The following MLYCD variants were observed in gnomAD, a reference collection of about 807,000 sequenced individuals.
The protein encoded by MLYCD is malonyl-CoA decarboxylase, mitochondrial.
Under a neutral mutation model 35.8 loss-of-function variants are expected in MLYCD, and 27 were observed. The ratio of observed to expected loss-of-function variants is 0.75; its 90% CI spans 0.56 to 1.04. MLYCD has a LOEUF of 1.04. Ranked by LOEUF, MLYCD falls within the 50% of genes least tolerant of loss-of-function variation. The pLI is 0.00. For missense variants in MLYCD, 917 were observed against 665.1 expected (o/e 1.38, Z -4.17); for synonymous variants, 403 against 302.4 (o/e 1.33, Z -3.45).
intron 1 of MLYCD, among the ~76,000 whole-genome samples, chr16:83,902,154 C>CGTGTGT (rs371411628): frequency 1.2e-5 from 1 of 84,454 alleles, no homozygotes. Context: ...TGTGTGCGTG[C>CGTGTGT]GTATATATAT....
Position 83,922,110 on chromosome 16 carries a change from C to T in MLYCD, c.*6621C>T, listed in dbSNP as rs1340228242. On this transcript the variant is annotated 3_prime_UTR_variant, in exon 5 of 5. Coordinates refer to ENST00000262430, the MANE Select transcript of MLYCD (RefSeq NM_012213.3). The stretch of plus-strand genomic sequence containing the variant: ...CACAATAAATTGTCATGAGTGCTTT[C>T]CACTGTGTCCCAGGTTCAAGGCTGA... The T allele has an allele frequency of 2.0e-5, 3 of 152,262 alleles. No homozygotes were observed. Among genetic ancestry groups the T allele is most frequent in the African/African-American group, 7.2e-5 (3 of 41,432 alleles). 9.4% of individuals were successfully genotyped at this position (152,262 alleles called of 1,614,324 possible).
At chr16:83,910,861 C>T (rs182413561) in intron 3 of MLYCD, among the ~76,000 whole-genome samples, 24 of 152,328 alleles carry the variant, frequency 1.6e-4, no homozygotes, top group Admixed American at 3.9e-4. Context: ...CTCACAGCAG[C>T]ATTTCTTCAC....
At chr16:83,911,416 A>G (rs1430659895) in intron 3 of MLYCD, among the ~76,000 whole-genome samples, 2 of 152,250 alleles carry the variant, frequency 1.3e-5, no homozygotes, top group African/African-American at 4.8e-5. Flanking sequence ...GGGTTCTTCA[A>G]AAGTAAGCTG....
At chr16:83,909,137 T>A (rs1907083615) in intron 3 of MLYCD, among the ~76,000 whole-genome samples, 2 of 152,086 alleles carry the variant, frequency 1.3e-5, no homozygotes, top group South Asian at 4.1e-4. Flanking sequence ...GCCCTCTTGG[T>A]GGGACTAGGG....
chr16:83,926,239 T>G lies in MLYCD; in HGVS notation c.*10750T>G, dbSNP rs777090304. 6.6e-6 allele frequency: 1 copy of G among 152,106 alleles called. No individual in the cohort carries two copies. Among genetic ancestry groups the G allele is most frequent in the African/African-American group, 2.4e-5 (1 of 41,334 alleles). The allele number at this position is 152,106 out of a possible 1,614,324, so 9.4% of individuals were successfully genotyped here. A position where few individuals can be genotyped will look rare whatever the true frequency, so the allele number is the denominator to read the frequency against. ...CCTCCCTCCCAGAGCCCACGAGATC[T>G]CACTTTCTCCAAGCCCAGCTCCCCA... On this transcript the variant is annotated 3_prime_UTR_variant, in exon 5 of 5. Transcript: ENST00000262430.
At chr16:83,910,155 A>T (rs1208814501) in intron 3 of MLYCD, among the ~76,000 whole-genome samples, 1 of 151,194 alleles carries the variant, frequency 6.6e-6, no homozygotes, top group Admixed American at 6.6e-5. Flanking sequence ...AAAGGGCAGC[A>T]GCAACAGTCA....
Position 83,914,988 on chromosome 16 carries a change from T to C in MLYCD, c.981T>C (p.Ser327=). 6.2e-7 allele frequency: 1 copy of C among 1,614,234 alleles called. No individual in the cohort carries two copies. The highest frequency in any genetic ancestry group is 8.5e-7 in the Non-Finnish European group (1 of 1,180,048). ...REFPHLGVFS[S]LSPIPGFTKW... ...TTCCTCACCTTGGGGTGTTTTCAAG[T>C]CTGTCACCTATACCTGGTTTCACCA... is the stretch of plus-strand genomic sequence containing the variant. The change falls in exon 5 of 5, where the codon AGT becomes AGC. Residue 327 remains serine, a synonymous_variant. Transcript: ENST00000262430.
At position 83,915,580 on chromosome 16, in the gene MLYCD, A is replaced by G. The variant is rs1907354526; in HGVS notation, c.*91A>G. The G allele has an allele frequency of 1.3e-6, 2 of 1,552,734 alleles. No homozygotes were observed. Among genetic ancestry groups the G allele is most frequent in the South Asian group, 2.3e-5 (2 of 85,348 alleles). Reference sequence around the variant, plus strand: ...AGTTATGTATCTGAAGCAGCTTTCCAAGCAAAGCCAAAGTTGACTGTGTTC... The same window carrying G: ...AGTTATGTATCTGAAGCAGCTTTCCGAGCAAAGCCAAAGTTGACTGTGTTC... On this transcript the variant is annotated 3_prime_UTR_variant, in exon 5 of 5. Transcript: ENST00000262430.
Position 83,899,329 on chromosome 16 carries a change from C to A in MLYCD, c.185C>A (p.Ala62Glu). ...TACGAGCTGCGCGAGAAGACACCGGCGCCCGCCGAGGGTCAGTGCGCGGAC... is the reference window on the plus strand; with the variant it reads ...TACGAGCTGCGCGAGAAGACACCGGAGCCCGCCGAGGGTCAGTGCGCGGAC... The part of the protein sequence containing the change: ...PAYELREKTP[A>E]PAEGQCADFV... Residue 62 changes from alanine to glutamate, a missense_variant, in exon 1 of 5, where the codon GCG (alanine) becomes GAG (glutamate). Coordinates refer to ENST00000262430, the MANE Select transcript of MLYCD (RefSeq NM_012213.3). 1 of 1,503,042 alleles carries A rather than the reference C, an allele frequency of 6.7e-7. No homozygotes were observed. Among genetic ancestry groups the A allele is most frequent in the South Asian group, 1.2e-5 (1 of 80,816 alleles). 93.1% of individuals were successfully genotyped at this position (1,503,042 alleles called of 1,614,324 possible).
At chr16:83,906,921 C>T (rs1258860162) in intron 1 of MLYCD, 66 bp from the exon 2 acceptor site, 1 of 1,344,118 alleles carries the variant, frequency 7.4e-7, no homozygotes, top group African/African-American at 1.4e-5. Context: ...TTGTGCTGAC[C>T]ACAACACAGA....
intron 2 of MLYCD, among the ~76,000 whole-genome samples, chr16:83,907,634 T>C (rs1182802225): frequency 6.6e-6 from 1 of 152,132 alleles, no homozygotes; most frequent in East Asian, 1.9e-4. Flanking sequence ...GAATCCATGG[T>C]TTGAAAAGTG....
intron 3 of MLYCD, among the ~76,000 whole-genome samples, chr16:83,909,751 A>T (rs190603202): frequency 1.3e-5 from 2 of 150,564 alleles, no homozygotes; most frequent in African/African-American, 2.4e-5. Context: ...CCTCCCGAGT[A>T]GCTGGGGATT....
In MLYCD at chr16:83,915,170, A is replaced by C; in HGVS notation, c.1163A>C (p.Glu388Ala). 1 of 1,614,140 alleles carries C rather than the reference A, an allele frequency of 6.2e-7. No individual in the cohort carries two copies. The highest frequency in any genetic ancestry group is 8.5e-7 in the Non-Finnish European group (1 of 1,179,968). Residue 388 changes from glutamate (E) to alanine (A), a missense_variant, in exon 5 of 5, where the codon GAG (glutamate) becomes GCG (alanine). Glu to Ala is a moderately radical substitution (Grantham distance 107). Coordinates refer to ENST00000262430, the MANE Select transcript of MLYCD (RefSeq NM_012213.3). ...AGCAGCAGCGAGTGGGTGCAGTCGG[A>C]GAAGCTGGTGCGGGCGCTGCAGACT... ...LLSSSEWVQSEKLVRALQTPL... is the reference protein window; with the variant it reads ...LLSSSEWVQSAKLVRALQTPL...
chr16:83,910,145 A>C (rs1360776075), intron 3 of MLYCD, among the ~76,000 whole-genome samples: 1 of 151,786 alleles, frequency 6.6e-6, no homozygotes, highest in African/African-American at 2.4e-5. Context: ...GTGTTCATCA[A>C]AAGGGCAGCA....
rs759566965 is a variant in MLYCD at position 83,921,258 on chromosome 16, G to A, written c.*5769G>A. On this transcript the variant is annotated 3_prime_UTR_variant, in exon 5 of 5. Transcript: ENST00000262430. Reference sequence around the variant, plus strand: ...AAGGAAGATGGATGAATAGATGGGTGGGTGGGTGGATGTTTGGATGGATGG... The same window carrying A: ...AAGGAAGATGGATGAATAGATGGGTAGGTGGGTGGATGTTTGGATGGATGG... 9.4e-5 allele frequency: 14 copies of A among 149,594 alleles called. No individual in the cohort carries two copies. The highest frequency in any genetic ancestry group is 1.5e-4 in the Non-Finnish European group (10 of 67,432). The allele number at this position is 149,594 out of a possible 1,614,324, so 9.3% of individuals were successfully genotyped here.
At chr16:83,908,000 C>T in intron 2 of MLYCD, 126 bp from the exon 3 acceptor site, 2 of 1,234,342 alleles carry the variant, frequency 1.6e-6, no homozygotes, top group Middle Eastern at 2.0e-4. Flanking sequence ...TTGAATTTTC[C>T]AGAAGAGTCC....
intron 1 of MLYCD, among the ~76,000 whole-genome samples, chr16:83,903,580 C>G (rs929327295): frequency 6.6e-6 from 1 of 152,182 alleles, no homozygotes; most frequent in African/African-American, 2.4e-5. Context: ...AGAGAGGGAA[C>G]CAGTTTCTCT....
At chr16:83,902,192 G>A (rs1198368363) in intron 1 of MLYCD, among the ~76,000 whole-genome samples, 1 of 107,216 alleles carries the variant, frequency 9.3e-6, no homozygotes, top group Admixed American at 9.4e-5. Flanking sequence ...TATATATATG[G>A]TTTTTTGTTT....
At chr16:83,908,782 TC>T (rs1212472017) in intron 3 of MLYCD, among the ~76,000 whole-genome samples, 1 of 152,212 alleles carries the variant, frequency 6.6e-6, no homozygotes, top group Non-Finnish European at 1.5e-5. Flanking sequence ...GGCAAGCTGC[TC>T]TGCTCCTGGA....
Sources: allele counts gnomAD v4.1 joint callset (sites outside exome capture counted in the v4.1 genomes callset), GRCh38; gene constraint gnomAD v4.1.1; transcripts MANE v1.5; gene names NCBI Gene and HGNC (gene_info 2026-07-23, HGNC 2026-07-21).